The following CAAP1 variants were observed in gnomAD, a reference collection of about 807,000 sequenced individuals.
CAAP1 encodes the protein caspase activity and apoptosis inhibitor 1.
A neutral mutation model predicts 34.0 loss-of-function variants in CAAP1; 20 were observed. The ratio of observed to expected loss-of-function variants is 0.59; its 90% confidence interval spans 0.41 to 0.86. The LOEUF (loss-of-function observed/expected upper bound fraction) is 0.86. Ranked by LOEUF, CAAP1 falls within the 40% of genes least tolerant of loss-of-function variation. The pLI is 0.00. For missense variants in CAAP1, 538 were observed against 450.5 expected (o/e 1.19, Z -1.76); for synonymous variants, 213 against 166.7 (o/e 1.28, Z -2.14).
intron 5 of CAAP1, among the ~76,000 whole-genome samples, chr9:26,852,534 TA>T (rs1258102988): frequency 3.3e-5 from 5 of 152,068 alleles, no homozygotes; most frequent in Non-Finnish European, 4.4e-5. Flanking sequence ...GAAGGCTTCA[TA>T]GATAATGGAG....
intron 5 of CAAP1, among the ~76,000 whole-genome samples, chr9:26,860,581 A>T (rs2131309461): frequency 6.6e-6 from 1 of 152,246 alleles, no homozygotes; most frequent in Admixed American, 6.5e-5. Context: ...TCACAAGGTC[A>T]GGAGATCTAG....
chr9:26,855,139 G>A (rs952403622), intron 5 of CAAP1, among the ~76,000 whole-genome samples: 2 of 152,168 alleles, frequency 1.3e-5, no homozygotes, highest in Non-Finnish European at 2.9e-5. Context: ...CCATGCAATG[G>A]AAAATATTCA....
At chr9:26,868,461 C>T (rs1823192081) in intron 4 of CAAP1, among the ~76,000 whole-genome samples, 1 of 152,156 alleles carries the variant, frequency 6.6e-6, no homozygotes, top group Admixed American at 6.5e-5. Context: ...AATGAATTCT[C>T]CCCTCAGAGC....
chr9:26,871,174 T>C (rs1823266333), intron 4 of CAAP1, among the ~76,000 whole-genome samples: 1 of 152,214 alleles, frequency 6.6e-6, no homozygotes, highest in Admixed American at 6.5e-5. Context: ...TCAGGGAATA[T>C]ATGTCACCTA....
chr9:26,850,911 A>G (rs532898393), intron 5 of CAAP1, among the ~76,000 whole-genome samples: 1 of 152,380 alleles, frequency 6.6e-6, no homozygotes, highest in East Asian at 1.9e-4. Context: ...TTCAGTAAAG[A>G]AAACCTGTCT....
chr9:26,859,209 G>A (rs1159503130), intron 5 of CAAP1, among the ~76,000 whole-genome samples: 2 of 152,000 alleles, frequency 1.3e-5, no homozygotes, highest in Non-Finnish European at 2.9e-5. Context: ...TAAAAGGCCT[G>A]GACTTTTGAC....
chr9:26,891,616 C>A (rs1449512765), intron 1 of CAAP1, among the ~76,000 whole-genome samples: 2 of 152,098 alleles, frequency 1.3e-5, no homozygotes, highest in African/African-American at 4.8e-5. Context: ...AAATATAATA[C>A]AATACCAGGC....
At chr9:26,855,188 A>C (rs560221305) in intron 5 of CAAP1, among the ~76,000 whole-genome samples, 3 of 152,350 alleles carry the variant, frequency 2.0e-5, no homozygotes, top group East Asian at 3.9e-4. Context: ...ACACAAAGAC[A>C]TAGAGGAACT....
intron 5 of CAAP1, among the ~76,000 whole-genome samples, chr9:26,845,536 C>T (rs534996707): frequency 8.5e-5 from 13 of 152,190 alleles, no homozygotes; most frequent in African/African-American, 1.9e-4. Flanking sequence ...CCACCACACC[C>T]GGCTAATTTT....
chr9:26,870,613 T>C (rs560531280), intron 4 of CAAP1, among the ~76,000 whole-genome samples: 13 of 146,774 alleles, frequency 8.9e-5, no homozygotes, highest in Non-Finnish European at 2.0e-4. Context: ...TGTGTGTGTA[T>C]ACATATATTT....
At chr9:26,872,573 T>TATATATATATATATATATATATA (rs1563888449) in intron 4 of CAAP1, among the ~76,000 whole-genome samples, 10 of 149,590 alleles carry the variant, frequency 6.7e-5, no homozygotes, top group African/African-American at 2.5e-4. Context: ...TATATATATA[T>TATATATATATATATATATATATA]TTAGACAGAG....
intron 4 of CAAP1, among the ~76,000 whole-genome samples, chr9:26,883,874 C>A (rs771243328): frequency 6.6e-6 from 1 of 152,074 alleles, no homozygotes; most frequent in African/African-American, 2.4e-5. Context: ...GTTGCAGGAA[C>A]GCCAATAGTA....
At chr9:26,879,659 A>C (rs953037435) in intron 4 of CAAP1, among the ~76,000 whole-genome samples, 5 of 152,218 alleles carry the variant, frequency 3.3e-5, no homozygotes, top group African/African-American at 1.2e-4. Flanking sequence ...GCACAGCTAG[A>C]ATAAAGCAGG....
intron 5 of CAAP1, among the ~76,000 whole-genome samples, chr9:26,848,945 A>G (rs1021360750): frequency 1.3e-5 from 2 of 152,176 alleles, no homozygotes; most frequent in African/African-American, 4.8e-5. Flanking sequence ...CCATTTATTT[A>G]TATGTCAGTG....
chr9:26,873,350 T>C (rs990029262), intron 4 of CAAP1, among the ~76,000 whole-genome samples: 3 of 152,256 alleles, frequency 2.0e-5, no homozygotes, highest in African/African-American at 7.2e-5. Flanking sequence ...GTTTATTATC[T>C]GTAGGAAAAT....
chr9:26,841,235 C>G lies in CAAP1; in HGVS notation c.*1066G>C, dbSNP rs1822472341. 6.6e-6 allele frequency: 1 copy of G among 152,266 alleles called. No homozygotes were observed. The highest frequency in any genetic ancestry group is 1.5e-5 in the Non-Finnish European group (1 of 67,938). 9.4% of individuals were successfully genotyped at this position (152,266 alleles called of 1,614,324 possible). On this transcript the variant is annotated 3_prime_UTR_variant, in exon 6 of 6. Transcript: ENST00000333916. ...CTGTATTTGTTATCAAATATAGAAA[C>G]AACAGTTCCAGATTTATGTTTTTTG...
intron 5 of CAAP1, among the ~76,000 whole-genome samples, chr9:26,846,113 A>AC (rs113298067): frequency 0.043 from 6,481 of 152,086 alleles, 470 homozygotes; most frequent in African/African-American, 0.15. Context: ...TCTTTCCAAG[A>AC]CTCAAGAAAG....
chr9:26,879,804 C>G (rs1823539923), intron 4 of CAAP1, among the ~76,000 whole-genome samples: 1 of 152,176 alleles, frequency 6.6e-6, no homozygotes, highest in Non-Finnish European at 1.5e-5. Context: ...TTGCCAGGGG[C>G]TCTCGGCCTT....
chr9:26,888,702 G>T (rs1455956961), intron 1 of CAAP1, among the ~76,000 whole-genome samples: 1 of 152,198 alleles, frequency 6.6e-6, no homozygotes, highest in Non-Finnish European at 1.5e-5. Flanking sequence ...TAATTTGGCA[G>T]TTCCTCAAAA....
Sources: gnomAD v4.1 joint callset for allele counts (sites outside exome capture counted in the v4.1 genomes callset) on GRCh38, gnomAD v4.1.1 for gene constraint, MANE v1.5 for transcripts, NCBI Gene and HGNC (gene_info 2026-07-23, HGNC 2026-07-21) for gene names.